ADD3: variants seen among roughly 807,000 people sequenced by gnomAD.
ADD3 encodes gamma-adducin.
ADD3 carries 25 observed loss-of-function variants against 80.2 expected under a neutral mutation model. The ratio of observed to expected loss-of-function variants is 0.31; its 90% CI spans 0.23 to 0.44. The LOEUF (loss-of-function observed/expected upper bound fraction) is 0.44. Among genes scored for constraint, ADD3 ranks in the 20% least tolerant of loss-of-function variants. ADD3 has a pLI of 1.00. For synonymous variants in ADD3, 284 were observed against 289.6 expected (o/e 0.98, Z 0.20); for missense variants, 829 against 847.5 (o/e 0.98, Z 0.27).
chr10:110,085,619 C>T (rs1484594793), intron 1 of ADD3, among the ~76,000 whole-genome samples: 1 of 152,144 alleles, frequency 6.6e-6, no homozygotes, highest in Non-Finnish European at 1.5e-5. Context: ...CTGCCATATG[C>T]AAAGATGTGA....
rs1296672882 is a variant in ADD3, at chr10:110,049,886, CAA to C, written c.-30+41605_-30+41606del. Among the ~76,000 whole-genome samples the C allele has an allele frequency of 1.9e-3, 114 of 61,030 alleles. No homozygotes were observed. The East Asian group carries it at 0.041, about 22-fold the overall frequency. The allele number at this position is 61,030 out of a possible 152,430, so 40.0% of individuals were successfully genotyped here. A position where few individuals can be genotyped will look rare whatever the true frequency, so the allele number is the denominator to read the frequency against. ...TGGGCGACAGAGCGAGACTCCGTCT[CAA>C]AAAAAAAAAAAAAAAAAGATTTGAC... On this transcript the variant is annotated intron_variant, in intron 1 of 14. Transcript: ENST00000356080.
chr10:110,036,765 T>C (rs749955819), intron 1 of ADD3, among the ~76,000 whole-genome samples: 8 of 152,176 alleles, frequency 5.3e-5, no homozygotes, highest in Non-Finnish European at 1.2e-4. Context: ...TAAATATATA[T>C]TGGCTGTTTA....
chr10:110,086,322 A>C (rs369123461), intron 1 of ADD3, among the ~76,000 whole-genome samples: 1 of 151,884 alleles, frequency 6.6e-6, no homozygotes, highest in South Asian at 2.1e-4. Flanking sequence ...AGGCAGGAGA[A>C]TCACTTGAAC....
rs781539645 is a variant in ADD3 at position 110,122,151 on chromosome 10, T to G, written c.1002T>G (p.His334Gln). ...LAGAGGVDNL[H>Q]VLDFQKYKAF... is the part of the protein sequence containing the mutation. ...GTGCAGGTGGAGTAGACAATCTCCA[T>G]GTACTGGACTTTCAGAAGTATAAAG... The change falls in exon 9 of 15, where the codon CAT (histidine) becomes CAG (glutamine). Residue 334 changes from histidine (H) to glutamine (Q), a missense_variant. Coordinates refer to ENST00000356080, the MANE Select transcript of ADD3 (RefSeq NM_016824.5). The G allele has an allele frequency of 1.2e-6, 2 of 1,613,990 alleles. No homozygotes were observed. Among genetic ancestry groups the G allele is most frequent in the Non-Finnish European group, 1.7e-6 (2 of 1,179,976 alleles).
intron 1 of ADD3, among the ~76,000 whole-genome samples, chr10:110,095,669 T>A (rs534390869): frequency 2.6e-4 from 40 of 152,308 alleles, no homozygotes; most frequent in African/African-American, 9.4e-4. Context: ...AATGAAAAAA[T>A]ATGCTATAAT....
chr10:110,070,985 G>C (rs1319431642), intron 1 of ADD3, among the ~76,000 whole-genome samples: 16 of 95,602 alleles, frequency 1.7e-4, no homozygotes, highest in African/African-American at 5.0e-4. Context: ...TGTTTTTGGG[G>C]GGGGGGGGTG....
chr10:110,005,950 CACTT>C (rs1470894523), upstream of ADD3: 4 of 193,368 alleles, frequency 2.1e-5, no homozygotes, highest in East Asian at 1.7e-4. Flanking sequence ...CTAAGTCAAA[CACTT>C]ACTACTCAGC....
chr10:110,104,519 T>G (rs1167991445), intron 2 of ADD3, among the ~76,000 whole-genome samples: 1 of 152,142 alleles, frequency 6.6e-6, no homozygotes, highest in East Asian at 1.9e-4. Context: ...TTTAAAAAAT[T>G]TTGTCAGTCT....
intron 1 of ADD3, among the ~76,000 whole-genome samples, chr10:110,061,190 A>G (rs544496107): frequency 6.6e-6 from 1 of 152,360 alleles, no homozygotes; most frequent in South Asian, 2.1e-4. Context: ...ATGGTGTTCC[A>G]GATGGTGAGG....
At chr10:110,130,257 C>T in intron 12 of ADD3, 106 bp from the exon 13 acceptor site, 1 of 1,138,492 alleles carries the variant, frequency 8.8e-7, no homozygotes, top group Non-Finnish European at 1.3e-6. Flanking sequence ...TGAAATAAGG[C>T]TTCACAAACA....
chr10:110,085,937 C>A (rs536667478), intron 1 of ADD3, among the ~76,000 whole-genome samples: 47 of 152,106 alleles, frequency 3.1e-4, no homozygotes, highest in Middle Eastern at 3.4e-3. Context: ...GAAACCCCTT[C>A]TCTACTAAAA....
At chr10:110,087,423 G>A (rs542109387) in intron 1 of ADD3, among the ~76,000 whole-genome samples, 45 of 152,268 alleles carry the variant, frequency 3.0e-4, no homozygotes, top group African/African-American at 1.0e-3. Context: ...CAGTGTTTCC[G>A]CTATGATGGA....
At chr10:110,071,769 T>C (rs985667406) in intron 1 of ADD3, among the ~76,000 whole-genome samples, 18 of 152,324 alleles carry the variant, frequency 1.2e-4, no homozygotes, top group African/African-American at 4.3e-4. Flanking sequence ...CCTCACTAGT[T>C]TGGTGAATTT....
intron 1 of ADD3, among the ~76,000 whole-genome samples, chr10:110,043,842 T>C (rs1589847557): frequency 1.3e-5 from 2 of 152,182 alleles, no homozygotes; most frequent in South Asian, 4.1e-4. Flanking sequence ...GATTAAGAGC[T>C]GTGGTAGCTC....
At chr10:110,081,789 G>A (rs1846087718) in intron 1 of ADD3, among the ~76,000 whole-genome samples, 1 of 152,166 alleles carries the variant, frequency 6.6e-6, no homozygotes, top group African/African-American at 2.4e-5. Flanking sequence ...ACATCCTGAT[G>A]GCTTCTTTGT....
chr10:110,047,357 A>C (rs975004868), intron 1 of ADD3, among the ~76,000 whole-genome samples: 4 of 152,220 alleles, frequency 2.6e-5, no homozygotes, highest in Non-Finnish European at 4.4e-5. Flanking sequence ...CTTGGCTTCT[A>C]GTCTATGACT....
At chr10:110,075,042 G>A (rs1328722221) in intron 1 of ADD3, among the ~76,000 whole-genome samples, 1 of 152,130 alleles carries the variant, frequency 6.6e-6, no homozygotes, top group Non-Finnish European at 1.5e-5. Context: ...TGATTGTGGT[G>A]GAAGCATTGG....
Position 110,124,144 on chromosome 10 carries a change from C to T in ADD3, c.1271C>T (p.Pro424Leu). ...GAAGACGATACAGTGCCACTCTCTC[C>T]TCTCAAATACATGGCACAGAGGCAA... ...SFEDDTVPLSPLKYMAQRQQR... is the reference protein window; with the variant it reads ...SFEDDTVPLSLLKYMAQRQQR... The change falls in exon 10 of 15, where the codon CCT becomes CTT. Residue 424 changes from proline to leucine, a missense_variant. Coordinates refer to ENST00000356080, the MANE Select transcript of ADD3 (RefSeq NM_016824.5). 3 of 1,614,166 alleles carry T rather than the reference C, an allele frequency of 1.9e-6. No individual in the cohort carries two copies. Among genetic ancestry groups the T allele is most frequent in the Non-Finnish European group, 2.5e-6 (3 of 1,180,020 alleles).
At chr10:110,050,438 T>C (rs1409085058) in intron 1 of ADD3, among the ~76,000 whole-genome samples, 1 of 151,942 alleles carries the variant, frequency 6.6e-6, no homozygotes, top group Non-Finnish European at 1.5e-5. Flanking sequence ...ATATAAGACA[T>C]GTCTTTTGCC....
Sources: allele counts gnomAD v4.1 joint callset (sites outside exome capture counted in the v4.1 genomes callset), GRCh38; gene constraint gnomAD v4.1.1; transcripts MANE v1.5; gene names NCBI Gene and HGNC (gene_info 2026-07-23, HGNC 2026-07-21).